ZC3H12B: variants seen among roughly 807,000 people sequenced by gnomAD.
ZC3H12B encodes probable ribonuclease ZC3H12B.
In ZC3H12B, 7 loss-of-function variants were observed where a neutral mutation model predicts 43.9. That is an observed-to-expected ratio of 0.16 (90% confidence interval 0.09 to 0.30). ZC3H12B has a LOEUF of 0.30. Ranked by LOEUF, ZC3H12B falls within the 10% of genes least tolerant of loss-of-function variation. ZC3H12B has a pLI of 1.00. For missense variants in ZC3H12B, 475 were observed against 670.2 expected (o/e 0.71, Z 3.22); for synonymous variants, 222 against 241.7 (o/e 0.92, Z 0.76).
the ZC3H12B span, among the ~76,000 whole-genome samples, chrX:65,360,517 A>G: frequency 8.9e-6 from 1 of 112,246 alleles, no homozygotes; most frequent in Non-Finnish European, 1.9e-5. Flanking sequence ...CCACTTACCT[A>G]TTACAATGGC....
chrX:65,441,651 T>C (rs1243363444), intron 3 of ZC3H12B, among the ~76,000 whole-genome samples: 1 of 112,068 alleles, frequency 8.9e-6, no homozygotes, highest in Non-Finnish European at 1.9e-5. Flanking sequence ...CTCCTGTATG[T>C]ATTTGTATGC....
the ZC3H12B span, among the ~76,000 whole-genome samples, chrX:65,135,136 CTG>C: frequency 9.0e-6 from 1 of 111,447 alleles, no homozygotes; most frequent in Non-Finnish European, 1.9e-5. Context: ...TATGCAAAAA[CTG>C]TCTACCAGTG....
chrX:65,419,575 C>T (rs1305113156), intron 3 of ZC3H12B, among the ~76,000 whole-genome samples: 2 of 111,375 alleles, frequency 1.8e-5, no homozygotes, highest in Non-Finnish European at 3.8e-5. Context: ...TCCCCAAAGT[C>T]CAGGGAGCAC....
At chrX:65,155,865 A>G in the ZC3H12B span, among the ~76,000 whole-genome samples, 1 of 110,465 alleles carries the variant, frequency 9.1e-6, no homozygotes, top group Admixed American at 9.7e-5. Flanking sequence ...TCTAAAAAAA[A>G]AAAAGTTGGA....
the ZC3H12B span, among the ~76,000 whole-genome samples, chrX:65,317,743 T>G: frequency 2.9e-5 from 3 of 104,201 alleles, no homozygotes; most frequent in Non-Finnish European, 5.9e-5. Flanking sequence ...GTATCCTATT[T>G]TGTGTGTGTG....
At chrX:65,329,959 G>A in the ZC3H12B span, among the ~76,000 whole-genome samples, 1 of 112,164 alleles carries the variant, frequency 8.9e-6, no homozygotes, top group Admixed American at 9.4e-5. Context: ...TAGACTTGTA[G>A]TATAGTTTGA....
At chrX:65,325,914 A>G in the ZC3H12B span, among the ~76,000 whole-genome samples, 1 of 111,847 alleles carries the variant, frequency 8.9e-6, no homozygotes, top group Non-Finnish European at 1.9e-5. Flanking sequence ...TATATGGTCT[A>G]TTGACTTTCA....
At chrX:65,047,084 ATAT>A in the ZC3H12B span, among the ~76,000 whole-genome samples, 1 of 111,491 alleles carries the variant, frequency 9.0e-6, no homozygotes, top group African/African-American at 3.3e-5. Context: ...AAAGTTTGAA[ATAT>A]TATGAGAGTT....
chrX:65,479,828 C>T (rs2068042394), intron 3 of ZC3H12B, among the ~76,000 whole-genome samples: 1 of 112,413 alleles, frequency 8.9e-6, no homozygotes, highest in Non-Finnish European at 1.9e-5. Context: ...AAGTACACTC[C>T]ACAGTGTGGG....
the ZC3H12B span, among the ~76,000 whole-genome samples, chrX:65,234,933 C>T: frequency 1.8e-5 from 2 of 112,078 alleles, no homozygotes; most frequent in Non-Finnish European, 3.8e-5. Flanking sequence ...TAACTGAGAA[C>T]ATACAGTGTT....
At chrX:65,448,318 A>G (rs1245004162) in intron 3 of ZC3H12B, among the ~76,000 whole-genome samples, 1 of 111,929 alleles carries the variant, frequency 8.9e-6, no homozygotes, top group African/African-American at 3.2e-5. Context: ...TATAACCTCT[A>G]TGGAAAATGC....
intron 2 of ZC3H12B, among the ~76,000 whole-genome samples, chrX:65,388,000 C>T (rs745377235): frequency 4.8e-4 from 54 of 112,083 alleles, no homozygotes; most frequent in East Asian, 3.1e-3. Flanking sequence ...GAGTTTCTGC[C>T]GAGATATCTG....
At chrX:65,406,175 CAA>C (rs1382150586) in intron 3 of ZC3H12B, among the ~76,000 whole-genome samples, 2 of 109,937 alleles carry the variant, frequency 1.8e-5, no homozygotes, top group Admixed American at 9.6e-5. Flanking sequence ...CAAAACCAGA[CAA>C]AGACACAACA....
chrX:65,309,971 A>C, the ZC3H12B span, among the ~76,000 whole-genome samples: 1 of 111,884 alleles, frequency 8.9e-6, no homozygotes, highest in African/African-American at 3.3e-5. Context: ...AAAAACTCTC[A>C]ATAAACTAGG....
the ZC3H12B span, among the ~76,000 whole-genome samples, chrX:65,105,398 T>C: frequency 9.0e-6 from 1 of 111,238 alleles, no homozygotes; most frequent in Non-Finnish European, 1.9e-5. Context: ...TCAGCAGATA[T>C]ATCCCAGAAC....
chrX:65,212,287 A>AAT, the ZC3H12B span, among the ~76,000 whole-genome samples: 15 of 49,869 alleles, frequency 3.0e-4, no homozygotes, highest in Admixed American at 4.1e-4. Flanking sequence ...ATATAATTAT[A>AAT]ATATATTATA....
intron 3 of ZC3H12B, chrX:65,408,531 T>C (rs948537597): frequency 1.7e-6 from 2 of 1,203,840 alleles, no homozygotes; most frequent in African/African-American, 3.5e-5. Context: ...CCTTCGGGAC[T>C]TCAGCCTCCT....
chrX:65,404,344 G>T (rs2066798254), intron 3 of ZC3H12B, among the ~76,000 whole-genome samples: 1 of 90,948 alleles, frequency 1.1e-5, no homozygotes. Context: ...TAACAAAATG[G>T]CAGGAGTAAG....
chrX:65,159,382 G>C, the ZC3H12B span, among the ~76,000 whole-genome samples: 1 of 111,621 alleles, frequency 9.0e-6, no homozygotes, highest in East Asian at 2.8e-4. Context: ...TCATGGTATT[G>C]ATTCTTCCTA....
Sources: gnomAD v4.1 joint callset for allele counts (sites outside exome capture counted in the v4.1 genomes callset) on GRCh38, gnomAD v4.1.1 for gene constraint, MANE v1.5 for transcripts, NCBI Gene and HGNC (gene_info 2026-07-23, HGNC 2026-07-21) for gene names.